PTPRD: variants seen among roughly 807,000 people sequenced by gnomAD.
PTPRD encodes protein tyrosine phosphatase receptor type D.
A neutral mutation model predicts 214.5 loss-of-function variants in PTPRD; 34 were observed. That is an observed-to-expected ratio of 0.16 (90% CI 0.12 to 0.21). The LOEUF is 0.21. Among genes scored for constraint, PTPRD ranks in the 10% least tolerant of loss-of-function variants. PTPRD has a pLI of 1.00. For synonymous variants in PTPRD, 1,128 were observed against 845.7 expected (o/e 1.33, Z -5.79); for missense variants, 2,545 against 2,398.7 (o/e 1.06, Z -1.27).
At chr9:9,911,998 A>T (rs2079332793) in intron 5 of PTPRD, among the ~76,000 whole-genome samples, 1 of 152,106 alleles carries the variant, frequency 6.6e-6, no homozygotes, top group African/African-American at 2.4e-5. Context: ...AATAATGTTT[A>T]TTTATTAATT....
intron 14 of PTPRD, among the ~76,000 whole-genome samples, chr9:8,582,676 A>G (rs959234924): frequency 6.6e-6 from 1 of 152,228 alleles, no homozygotes; most frequent in African/African-American, 2.4e-5. Context: ...AACAAATTTA[A>G]CAATAAGATA....
chr9:10,404,406 G>C (rs564178420), intron 2 of PTPRD, among the ~76,000 whole-genome samples: 7 of 151,798 alleles, frequency 4.6e-5, no homozygotes, highest in African/African-American at 1.7e-4. Flanking sequence ...CCTGCAGAGA[G>C]ATAGTCAAGA....
intron 9 of PTPRD, among the ~76,000 whole-genome samples, chr9:9,295,113 A>G (rs886288747): frequency 2.0e-5 from 3 of 151,764 alleles, no homozygotes; most frequent in Middle Eastern, 3.2e-3. Flanking sequence ...GTGGCTCACA[A>G]TGAAAAGCTG....
intron 3 of PTPRD, among the ~76,000 whole-genome samples, chr9:10,284,895 T>A (rs1026746143): frequency 6.6e-6 from 1 of 152,180 alleles, no homozygotes; most frequent in Non-Finnish European, 1.5e-5. Context: ...TTGAGATTCA[T>A]CTTAGAATTC....
intron 8 of PTPRD, among the ~76,000 whole-genome samples, chr9:9,443,074 A>T (rs929720239): frequency 2.6e-5 from 4 of 152,182 alleles, no homozygotes; most frequent in Non-Finnish European, 5.9e-5. Flanking sequence ...GAATTATGCA[A>T]CAAAATCTGC....
intron 8 of PTPRD, among the ~76,000 whole-genome samples, chr9:9,463,436 G>C (rs1307995897): frequency 6.6e-6 from 1 of 151,988 alleles, no homozygotes; most frequent in Non-Finnish European, 1.5e-5. Context: ...GAGAGAGAGT[G>C]CAAGAGAGCA....
intron 5 of PTPRD, among the ~76,000 whole-genome samples, chr9:9,776,641 A>G (rs1249286141): frequency 2.6e-5 from 4 of 152,256 alleles, no homozygotes; most frequent in Non-Finnish European, 5.9e-5. Context: ...ACAAGAAAAA[A>G]AAGAACATGC....
At chr9:9,737,630 ATATTTT>A (rs1259235159) in intron 6 of PTPRD, among the ~76,000 whole-genome samples, 2 of 152,182 alleles carry the variant, frequency 1.3e-5, no homozygotes, top group African/African-American at 4.8e-5. Context: ...TTAATTTAAA[ATATTTT>A]TAAAGTCCAT....
At chr9:8,806,066 G>C (rs1461764748) in intron 11 of PTPRD, among the ~76,000 whole-genome samples, 1 of 151,094 alleles carries the variant, frequency 6.6e-6, no homozygotes, top group African/African-American at 2.4e-5. Flanking sequence ...TGGGATTACA[G>C]GTGACCACCA....
chr9:10,594,735 T>C (rs888452551), intron 2 of PTPRD, among the ~76,000 whole-genome samples: 1 of 152,002 alleles, frequency 6.6e-6, no homozygotes, highest in Non-Finnish European at 1.5e-5. Context: ...TTCTGTCTAA[T>C]GAGGTGTCAC....
At chr9:9,651,822 GTTTGTTTTT>G (rs1456691511) in intron 7 of PTPRD, among the ~76,000 whole-genome samples, 15 of 92,598 alleles carry the variant, frequency 1.6e-4, no homozygotes, top group African/African-American at 5.6e-4. Flanking sequence ...TTTATTCAAG[GTTTGTTTTT>G]TTTTTTTTTT....
chr9:10,560,915 G>T (rs2063798576), intron 2 of PTPRD, among the ~76,000 whole-genome samples: 1 of 152,200 alleles, frequency 6.6e-6, no homozygotes, highest in South Asian at 2.1e-4. Context: ...GACTGACACA[G>T]ACCTCAGAGA....
At chr9:8,920,148 C>A (rs1458315444) in intron 11 of PTPRD, among the ~76,000 whole-genome samples, 1 of 151,946 alleles carries the variant, frequency 6.6e-6, no homozygotes, top group Non-Finnish European at 1.5e-5. Flanking sequence ...TGAGACCACC[C>A]CGGGCAACAC....
At chr9:8,562,714 G>C (rs2086892980) in intron 14 of PTPRD, among the ~76,000 whole-genome samples, 1 of 152,154 alleles carries the variant, frequency 6.6e-6, no homozygotes, top group Non-Finnish European at 1.5e-5. Flanking sequence ...CAGGATTACA[G>C]GCCTGAGCCA....
intron 11 of PTPRD, among the ~76,000 whole-genome samples, chr9:8,845,076 T>C (rs1309427629): frequency 6.6e-6 from 1 of 151,828 alleles, no homozygotes; most frequent in Non-Finnish European, 1.5e-5. Context: ...GCATTTAGCA[T>C]AGTTTAATGT....
At chr9:9,390,167 G>A (rs1277094880) in intron 9 of PTPRD, among the ~76,000 whole-genome samples, 1 of 152,116 alleles carries the variant, frequency 6.6e-6, no homozygotes, top group African/African-American at 2.4e-5. Flanking sequence ...TGGGACAGCG[G>A]GGAAGCCGGA....
chr9:9,930,021 A>G (rs2153913052), intron 5 of PTPRD, among the ~76,000 whole-genome samples: 1 of 152,328 alleles, frequency 6.6e-6, no homozygotes, highest in East Asian at 1.9e-4. Context: ...CTCAGTCTGT[A>G]GGAAACAAAA....
chr9:8,345,112 T>A (rs931959882), intron 39 of PTPRD, among the ~76,000 whole-genome samples: 3 of 152,086 alleles, frequency 2.0e-5, no homozygotes, highest in Non-Finnish European at 4.4e-5. Flanking sequence ...TCTGCCTTCT[T>A]TCCAATAAAT....
intron 3 of PTPRD, among the ~76,000 whole-genome samples, chr9:10,039,722 C>CTT (rs33973561): frequency 0.065 from 9,776 of 151,072 alleles, 1,066 homozygotes; most frequent in African/African-American, 0.22. Context: ...AATTCTAAGA[C>CTT]TTTTTTTTAT....
Sources: allele counts gnomAD v4.1 joint callset (sites outside exome capture counted in the v4.1 genomes callset), GRCh38; gene constraint gnomAD v4.1.1; transcripts MANE v1.5; gene names NCBI Gene and HGNC (gene_info 2026-07-23, HGNC 2026-07-21).